The following PLA2G4A variants were observed in gnomAD, a reference collection of about 807,000 sequenced individuals.
PLA2G4A encodes cytosolic phospholipase A2.
PLA2G4A carries 40 observed loss-of-function variants against 81.9 expected under a neutral mutation model. That is an observed-to-expected ratio of 0.49 (90% confidence interval 0.38 to 0.64). The LOEUF is 0.64. Ranked by LOEUF, PLA2G4A falls within the 30% of genes least tolerant of loss-of-function variation. PLA2G4A has a pLI of 0.00. For synonymous variants in PLA2G4A, 302 were observed against 296.9 expected, an observed-to-expected ratio of 1.02 and a Z score of -0.18; for missense variants, 715 against 905.1, an observed-to-expected ratio of 0.79 and a Z score of 2.69.
chr1:186,866,422 G>A (rs1025731247), intron 2 of PLA2G4A, among the ~76,000 whole-genome samples: 1 of 151,956 alleles, frequency 6.6e-6, no homozygotes, highest in Non-Finnish European at 1.5e-5. Context: ...TGAGTAACTG[G>A]GAAATTACTG....
At chr1:186,932,966 T>C in intron 8 of PLA2G4A, 67 bp downstream of exon 8, 1 of 1,166,962 alleles carries the variant, frequency 8.6e-7, no homozygotes, top group South Asian at 1.3e-5. Context: ...ACTCAAGCAC[T>C]AGAAGAGAAA....
intron 8 of PLA2G4A, among the ~76,000 whole-genome samples, chr1:186,934,307 A>G (rs1055648197): frequency 9.2e-5 from 14 of 151,844 alleles, no homozygotes; most frequent in African/African-American, 3.1e-4. Flanking sequence ...TGATTTGGGG[A>G]TATAATTGTG....
intron 7 of PLA2G4A, among the ~76,000 whole-genome samples, chr1:186,924,699 A>G (rs1377762546): frequency 6.6e-6 from 1 of 151,792 alleles, no homozygotes; most frequent in African/African-American, 2.4e-5. Context: ...CGACCTCCCA[A>G]AGTGCTGGGA....
In PLA2G4A at chr1:186,926,798, A is replaced by G. The variant is rs12720574; in HGVS notation, c.559-5965A>G. Among the ~76,000 whole-genome samples, 297 of 152,356 alleles carry G rather than the reference A, an allele frequency of 1.9e-3. 3 individuals carry two copies. Among genetic ancestry groups the G allele is most frequent in the African/African-American group, 6.6e-3 (276 of 41,582 alleles). ...CTCCTGTTGTGGCAAGGGGATAAGT[A>G]CAAATGCTCATAAAGCGTCCAGCAA... On this transcript the variant is annotated intron_variant, in intron 7 of 17. Coordinates refer to ENST00000367466, the MANE Select transcript of PLA2G4A (RefSeq NM_024420.3).
chr1:186,947,119 A>G (rs1418351356), intron 12 of PLA2G4A, among the ~76,000 whole-genome samples, 158 bp downstream of exon 12: 1 of 152,100 alleles, frequency 6.6e-6, no homozygotes, highest in East Asian at 1.9e-4. Context: ...TAAAAATAAT[A>G]TGTTACTTCT....
intron 3 of PLA2G4A, among the ~76,000 whole-genome samples, chr1:186,871,250 T>A (rs1653256882): frequency 6.6e-6 from 1 of 152,164 alleles, no homozygotes; most frequent in Admixed American, 6.6e-5. Flanking sequence ...TCCATGTTTT[T>A]AAAAAAGGCA....
At chr1:186,916,879 C>T (rs1281403330) in intron 7 of PLA2G4A, among the ~76,000 whole-genome samples, 1 of 152,216 alleles carries the variant, frequency 6.6e-6, no homozygotes, top group African/African-American at 2.4e-5. Context: ...GTCTACTATA[C>T]AAGTCCAAAT....
intron 8 of PLA2G4A, among the ~76,000 whole-genome samples, chr1:186,934,388 C>A (rs899171902): frequency 2.0e-5 from 3 of 147,114 alleles, no homozygotes; most frequent in African/African-American, 7.4e-5. Flanking sequence ...TTCTCACATT[C>A]CCCTGTCAGT....
chr1:186,932,177 C>G (rs961562528), intron 7 of PLA2G4A, among the ~76,000 whole-genome samples: 2 of 151,940 alleles, frequency 1.3e-5, no homozygotes, highest in African/African-American at 4.8e-5. Flanking sequence ...AAATGTTGAA[C>G]AAATATAGAG....
At chr1:186,837,522 G>A (rs189832500) in intron 1 of PLA2G4A, among the ~76,000 whole-genome samples, 11 of 151,296 alleles carry the variant, frequency 7.3e-5, no homozygotes, top group African/African-American at 2.4e-4. Context: ...GAGGTCAGGA[G>A]ATCAAGACCA....
At chr1:186,847,742 GC>G (rs747797267) in intron 1 of PLA2G4A, among the ~76,000 whole-genome samples, 8 of 152,162 alleles carry the variant, frequency 5.3e-5, no homozygotes, top group Middle Eastern at 3.4e-3. Flanking sequence ...TGTGAGTACA[GC>G]CCCTCTTCCC....
At chr1:186,937,824 C>T (rs1426819833) in intron 8 of PLA2G4A, among the ~76,000 whole-genome samples, 1 of 151,588 alleles carries the variant, frequency 6.6e-6, no homozygotes, top group East Asian at 1.9e-4. Context: ...TTAAATTTCC[C>T]AATGCTCTTT....
intron 5 of PLA2G4A, among the ~76,000 whole-genome samples, chr1:186,894,723 G>A (rs1370601766): frequency 6.6e-6 from 1 of 152,152 alleles, no homozygotes; most frequent in Non-Finnish European, 1.5e-5. Context: ...AAGGCCAAAA[G>A]GATTGATGGG....
intron 6 of PLA2G4A, among the ~76,000 whole-genome samples, chr1:186,908,968 C>CTTTTTTTTTTT (rs1201226836): frequency 2.2e-3 from 164 of 75,076 alleles, no homozygotes; most frequent in Admixed American, 3.3e-3. Context: ...CTTTTCTTTT[C>CTTTTTTTTTTT]TTTTTTTTTT....
chr1:186,916,005 T>C (rs7545760), intron 7 of PLA2G4A, among the ~76,000 whole-genome samples: 152,195 of 152,250 alleles, frequency 1, 76,070 homozygotes, highest in Middle Eastern at 1. Flanking sequence ...ATTGATATCC[T>C]GTTACGGTTC....
intron 3 of PLA2G4A, among the ~76,000 whole-genome samples, chr1:186,874,940 A>T (rs1189472820): frequency 2.0e-5 from 3 of 152,084 alleles, no homozygotes; most frequent in African/African-American, 7.2e-5. Flanking sequence ...TTCTAATTTT[A>T]AAGGGTTGTG....
chr1:186,891,823 G>A (rs1035614320), intron 3 of PLA2G4A, among the ~76,000 whole-genome samples: 1 of 152,132 alleles, frequency 6.6e-6, no homozygotes, highest in African/African-American at 2.4e-5. Context: ...TCAGCAGTGG[G>A]ATTGCTTGGT....
At chr1:186,834,689 A>T (rs1651718191) in intron 1 of PLA2G4A, among the ~76,000 whole-genome samples, 1 of 152,168 alleles carries the variant, frequency 6.6e-6, no homozygotes, top group Non-Finnish European at 1.5e-5. Flanking sequence ...TTAAGAAAAT[A>T]AAATATATTA....
At chr1:186,879,301 A>C (rs1392505801) in intron 3 of PLA2G4A, among the ~76,000 whole-genome samples, 1 of 152,042 alleles carries the variant, frequency 6.6e-6, no homozygotes, top group Non-Finnish European at 1.5e-5. Context: ...TTCGAAATGA[A>C]ATATTAAAGA....
Sources: allele counts gnomAD v4.1 joint callset (sites outside exome capture counted in the v4.1 genomes callset), GRCh38; gene constraint gnomAD v4.1.1; transcripts MANE v1.5; gene names NCBI Gene and HGNC (gene_info 2026-07-23, HGNC 2026-07-21).